The following ELMO1 variants were observed in gnomAD, a reference collection of about 807,000 sequenced individuals.
ELMO1 encodes the protein engulfment and cell motility protein 1.
ELMO1 carries 26 observed loss-of-function variants against 98.9 expected under a neutral mutation model. The observed-to-expected ratio is 0.26, with a 90% CI of 0.19 to 0.36. The LOEUF (loss-of-function observed/expected upper bound fraction) is 0.36. Ranked by LOEUF, ELMO1 falls within the 10% of genes least tolerant of loss-of-function variation. ELMO1 has a pLI of 1.00. For synonymous variants in ELMO1, 346 were observed against 346.0 expected, an observed-to-expected ratio of 1.00 and a Z score of 0.00; for missense variants, 627 against 935.2, an observed-to-expected ratio of 0.67 and a Z score of 4.30.
chr7:37,151,876 A>G (rs7806173), intron 13 of ELMO1, among the ~76,000 whole-genome samples: 140,605 of 152,206 alleles, frequency 0.92, 65,223 homozygotes, highest in Non-Finnish European at 0.98. Context: ...GTCAGGAGCA[A>G]CAGAAATACG....
At chr7:37,179,726 G>A (rs1364500956) in intron 13 of ELMO1, among the ~76,000 whole-genome samples, 3 of 152,172 alleles carry the variant, frequency 2.0e-5, no homozygotes, top group Non-Finnish European at 4.4e-5. Flanking sequence ...TCACTTCCTT[G>A]GATCTGCTGC....
intron 16 of ELMO1, among the ~76,000 whole-genome samples, chr7:36,905,832 T>C (rs1017589147): frequency 6.6e-6 from 1 of 152,240 alleles, no homozygotes; most frequent in Non-Finnish European, 1.5e-5. Context: ...TATCAGTGGA[T>C]ACAGATAAAT....
intron 16 of ELMO1, among the ~76,000 whole-genome samples, chr7:36,903,600 C>A (rs1334174880): frequency 6.6e-6 from 1 of 152,202 alleles, no homozygotes; most frequent in Non-Finnish European, 1.5e-5. Flanking sequence ...GATTCTGACC[C>A]TGGAATGGGT....
At chr7:37,210,905 T>C (rs1792926619) in intron 13 of ELMO1, among the ~76,000 whole-genome samples, 2 of 152,336 alleles carry the variant, frequency 1.3e-5, no homozygotes, top group South Asian at 4.1e-4. Flanking sequence ...AGACAACCTA[T>C]TAGCATTCAT....
At chr7:36,996,783 T>G (rs1792246637) in intron 16 of ELMO1, among the ~76,000 whole-genome samples, 2 of 151,860 alleles carry the variant, frequency 1.3e-5, no homozygotes, top group South Asian at 4.2e-4. Context: ...CCGGAAAGAG[T>G]GAAGGTTCCT....
At chr7:36,921,561 A>G (rs1368778983) in intron 16 of ELMO1, among the ~76,000 whole-genome samples, 4 of 152,112 alleles carry the variant, frequency 2.6e-5, no homozygotes, top group Non-Finnish European at 5.9e-5. Context: ...TTTCTCACCT[A>G]GTTTGTGATT....
chr7:37,042,229 AAG>A (rs1042726961), intron 15 of ELMO1, among the ~76,000 whole-genome samples: 1 of 150,934 alleles, frequency 6.6e-6, no homozygotes, highest in Non-Finnish European at 1.5e-5. Flanking sequence ...AAAAAAAAAG[AAG>A]AGAGAGAAAG....
intron 15 of ELMO1, among the ~76,000 whole-genome samples, chr7:37,022,376 T>C (rs990638645): frequency 6.6e-6 from 1 of 152,070 alleles, no homozygotes; most frequent in Admixed American, 6.6e-5. Flanking sequence ...CTCCTATAAG[T>C]CACTAAGAAA....
intron 15 of ELMO1, among the ~76,000 whole-genome samples, chr7:37,070,938 A>C (rs1179326290): frequency 6.6e-6 from 1 of 152,208 alleles, no homozygotes; most frequent in Admixed American, 6.6e-5. Flanking sequence ...GATTTATGTC[A>C]ATGAGCCTAG....
chr7:37,214,782 C>A (rs1793184679), intron 11 of ELMO1, among the ~76,000 whole-genome samples: 1 of 152,200 alleles, frequency 6.6e-6, no homozygotes, highest in Non-Finnish European at 1.5e-5. Flanking sequence ...CTTTTCTTAG[C>A]AACTCGAAAG....
At chr7:37,155,087 C>A (rs548848349) in intron 13 of ELMO1, among the ~76,000 whole-genome samples, 4 of 152,136 alleles carry the variant, frequency 2.6e-5, no homozygotes, top group South Asian at 4.1e-4. Flanking sequence ...GAAATAAAAT[C>A]CTTTACAGAC....
intron 15 of ELMO1, among the ~76,000 whole-genome samples, chr7:37,054,035 A>G (rs185979307): frequency 3.3e-5 from 5 of 152,228 alleles, no homozygotes; most frequent in Non-Finnish European, 4.4e-5. Context: ...TCAAATCTTT[A>G]AAAAATACGC....
At chr7:37,188,857 G>A (rs1042714913) in intron 13 of ELMO1, among the ~76,000 whole-genome samples, 5 of 152,172 alleles carry the variant, frequency 3.3e-5, no homozygotes, top group African/African-American at 1.2e-4. Flanking sequence ...AGCCTTCCAT[G>A]AGGAGCTTCT....
At chr7:37,166,769 A>G (rs1038062041) in intron 13 of ELMO1, among the ~76,000 whole-genome samples, 1 of 152,074 alleles carries the variant, frequency 6.6e-6, no homozygotes, top group African/African-American at 2.4e-5. Flanking sequence ...TATGTGGTCA[A>G]TTTTGGAATA....
chr7:37,170,403 G>A (rs1790067637), intron 13 of ELMO1, among the ~76,000 whole-genome samples: 2 of 152,152 alleles, frequency 1.3e-5, no homozygotes, highest in Admixed American at 1.3e-4. Context: ...ATATACCAGA[G>A]CAGTTACTAA....
intron 15 of ELMO1, among the ~76,000 whole-genome samples, chr7:37,065,373 C>T (rs1796902117): frequency 1.3e-5 from 2 of 152,166 alleles, no homozygotes; most frequent in South Asian, 2.1e-4. Flanking sequence ...CCTTCCATCT[C>T]CTTCCATCCC....
Position 37,216,692 on chromosome 7 carries a change from T to A in ELMO1, c.784A>T (p.Met262Leu), listed in dbSNP as rs1456604555. ...TGCTTCTGAGCCAAAATATTCGCCA[T>A]CTCCTGTGGAAGAAAAACACACCCA... ...LKAPDERRQEMANILAQKQLR... is the reference protein window; with the variant it reads ...LKAPDERRQELANILAQKQLR... Residue 262 changes from methionine to leucine, a missense_variant, in exon 11 of 22, where the codon ATG (methionine) becomes TTG (leucine). Met to Leu is a conservative substitution (Grantham distance 15). Transcript: ENST00000310758. 1 of 1,614,008 alleles carries A rather than the reference T, an allele frequency of 6.2e-7. No individual in the cohort carries two copies. The highest frequency in any genetic ancestry group is 8.5e-7 in the Non-Finnish European group (1 of 1,179,980).
In ELMO1 at chr7:36,870,366, C is replaced by G. The variant is rs749921706; in HGVS notation, c.1905+27G>C. ...TGCCGACCGCACTGGGCAAATAGAG[C>G]TATTTGCAATAATTTGGAAATCATA... On this transcript the variant is annotated intron_variant, in intron 20 of 21. Coordinates refer to ENST00000310758, the MANE Select transcript of ELMO1 (RefSeq NM_014800.11). The surrounding 1 kb of genome is among the most constrained non-coding windows in gnomAD (Gnocchi z 4.4). The G allele has an allele frequency of 5.6e-6, 9 of 1,611,212 alleles. No individual in the cohort carries two copies. The South Asian group carries it at 8.8e-5, about 16-fold the overall frequency.
rs564313613 is a variant in ELMO1, at chr7:37,393,380, G to A, written c.-73-50617C>T. ...ACATTCTATTTGCCCTTGTGACCTC[G>A]TTCAAATTTCACCAAATGTCCCGAT... On this transcript the variant is annotated intron_variant, in intron 1 of 21. Coordinates refer to ENST00000310758, the MANE Select transcript of ELMO1 (RefSeq NM_014800.11). Among the ~76,000 whole-genome samples the A allele has an allele frequency of 4.6e-5, 7 of 152,014 alleles. No homozygotes were observed. The East Asian group carries it at 7.7e-4, about 17-fold the overall frequency.
Sources: gnomAD v4.1 joint callset for allele counts (sites outside exome capture counted in the v4.1 genomes callset) on GRCh38, gnomAD v4.1.1 for gene constraint, Gnocchi (gnomAD v3.1) non-coding constraint, MANE v1.5 for transcripts, NCBI Gene and HGNC (gene_info 2026-07-23, HGNC 2026-07-21) for gene names.